Variants in GALNTL6 observed in about 807,000 individuals in gnomAD.
GALNTL6 encodes polypeptide N-acetylgalactosaminyltransferase-like 6.
GALNTL6 carries 46 observed loss-of-function variants against 73.7 expected under a neutral mutation model. The ratio of observed to expected loss-of-function variants is 0.62; its 90% CI spans 0.49 to 0.80. The LOEUF is 0.80. Among genes scored for constraint, GALNTL6 ranks in the 30% least tolerant of loss-of-function variants. The pLI is 0.00. For synonymous variants in GALNTL6, 259 were observed against 263.7 expected (o/e 0.98, Z 0.17); for missense variants, 604 against 755.0 (o/e 0.80, Z 2.34).
intron 5 of GALNTL6, among the ~76,000 whole-genome samples, chr4:172,598,535 C>G (rs1715176280): frequency 6.6e-6 from 1 of 152,090 alleles, no homozygotes; most frequent in South Asian, 2.1e-4. Flanking sequence ...AGTTGTAAGA[C>G]TAATAGAAAG....
intron 5 of GALNTL6, among the ~76,000 whole-genome samples, chr4:172,683,185 A>G (rs1732724470): frequency 6.6e-6 from 1 of 152,204 alleles, no homozygotes; most frequent in African/African-American, 2.4e-5. Context: ...CAAAGAAACC[A>G]CAACTCTGAG....
intron 5 of GALNTL6, among the ~76,000 whole-genome samples, chr4:172,446,818 C>T (rs930830306): frequency 1.3e-5 from 2 of 152,130 alleles, no homozygotes; most frequent in Non-Finnish European, 2.9e-5. Context: ...CCAGGAAGAA[C>T]CCCTAAACTT....
intron 3 of GALNTL6, among the ~76,000 whole-genome samples, chr4:172,276,713 T>C (rs1477021801): frequency 6.6e-6 from 1 of 152,142 alleles, no homozygotes; most frequent in East Asian, 1.9e-4. Context: ...TTACACTATA[T>C]GCTGATTTTA....
At chr4:172,736,054 A>C (rs1250542148) in intron 5 of GALNTL6, among the ~76,000 whole-genome samples, 1 of 152,218 alleles carries the variant, frequency 6.6e-6, no homozygotes, top group Non-Finnish European at 1.5e-5. Flanking sequence ...GAGTGAGATC[A>C]CAAGGCCAGG....
intron 5 of GALNTL6, among the ~76,000 whole-genome samples, chr4:172,414,361 T>C (rs1025414367): frequency 3.9e-5 from 6 of 152,178 alleles, no homozygotes; most frequent in Non-Finnish European, 5.9e-5. Context: ...TTCCAACTTA[T>C]ATGTGTATAC....
intron 7 of GALNTL6, among the ~76,000 whole-genome samples, chr4:172,830,354 G>T (rs1742555812): frequency 6.6e-6 from 1 of 152,166 alleles, no homozygotes; most frequent in Admixed American, 6.5e-5. Context: ...ATCTAGGCCA[G>T]AATGGGACTG....
chr4:173,038,148 C>T (rs1753768590), intron 12 of GALNTL6, among the ~76,000 whole-genome samples: 1 of 152,186 alleles, frequency 6.6e-6, no homozygotes, highest in Non-Finnish European at 1.5e-5. Context: ...TGTAGCAGGT[C>T]ACCTAGAATT....
intron 2 of GALNTL6, among the ~76,000 whole-genome samples, chr4:172,105,001 A>G (rs577075090): frequency 6.6e-6 from 1 of 152,334 alleles, no homozygotes; most frequent in East Asian, 1.9e-4. Context: ...GAAAAAGTCA[A>G]CAATTACAAA....
intron 3 of GALNTL6, among the ~76,000 whole-genome samples, chr4:172,292,214 G>A (rs1739500429): frequency 6.6e-6 from 1 of 151,814 alleles, no homozygotes; most frequent in African/African-American, 2.4e-5. Context: ...TGATTTTGAA[G>A]AGATCTGACA....
chr4:172,409,625 A>C (rs951528326), intron 5 of GALNTL6, among the ~76,000 whole-genome samples: 1 of 152,046 alleles, frequency 6.6e-6, no homozygotes, highest in Non-Finnish European at 1.5e-5. Flanking sequence ...GAACATTTCA[A>C]TGAGGAAAGG....
chr4:172,041,697 T>C (rs1311768306), intron 2 of GALNTL6, among the ~76,000 whole-genome samples: 1 of 152,108 alleles, frequency 6.6e-6, no homozygotes. Flanking sequence ...TTGCTACAGG[T>C]GTACTTTGTA....
intron 2 of GALNTL6, among the ~76,000 whole-genome samples, chr4:172,017,347 G>A (rs1025857566): frequency 1.3e-5 from 2 of 152,168 alleles, no homozygotes; most frequent in Admixed American, 1.3e-4. Flanking sequence ...GATGTTTTGA[G>A]TGGGGAGGGA....
At chr4:172,972,005 A>AT (rs1230227785) in intron 10 of GALNTL6, among the ~76,000 whole-genome samples, 1 of 152,192 alleles carries the variant, frequency 6.6e-6, no homozygotes, top group Non-Finnish European at 1.5e-5. Flanking sequence ...TGCCAGGCAA[A>AT]TTTAAGTAAT....
intron 8 of GALNTL6, among the ~76,000 whole-genome samples, chr4:172,900,593 A>G (rs1333310233): frequency 2.0e-5 from 3 of 152,234 alleles, no homozygotes; most frequent in African/African-American, 7.2e-5. Context: ...TTGAACTGGA[A>G]GAACAGAATA....
chr4:172,281,251 A>G (rs1370850463), intron 3 of GALNTL6, among the ~76,000 whole-genome samples: 1 of 152,166 alleles, frequency 6.6e-6, no homozygotes, highest in Non-Finnish European at 1.5e-5. Flanking sequence ...GCAGCGCTGC[A>G]TTTCATCTGA....
chr4:172,847,155 A>G (rs1168380066), intron 7 of GALNTL6, among the ~76,000 whole-genome samples: 5 of 152,192 alleles, frequency 3.3e-5, no homozygotes, highest in Non-Finnish European at 7.4e-5. Flanking sequence ...TATGGCAAAC[A>G]TGAACCAACC....
chr4:172,192,665 G>A (rs987985891), intron 2 of GALNTL6, among the ~76,000 whole-genome samples: 3 of 152,160 alleles, frequency 2.0e-5, no homozygotes, highest in African/African-American at 7.2e-5. Flanking sequence ...ATGGATCTGT[G>A]CAACTCGCCC....
At chr4:172,721,658 G>T (rs1735481038) in intron 5 of GALNTL6, among the ~76,000 whole-genome samples, 1 of 152,132 alleles carries the variant, frequency 6.6e-6, no homozygotes, top group Admixed American at 6.5e-5. Context: ...CAATTCTAGG[G>T]CACATTTAAC....
intron 8 of GALNTL6, among the ~76,000 whole-genome samples, chr4:172,899,129 C>T (rs1482001053): frequency 6.6e-6 from 1 of 152,184 alleles, no homozygotes; most frequent in Non-Finnish European, 1.5e-5. Context: ...CGTGAGTCCA[C>T]CAGTGCTCCC....
Sources: gnomAD v4.1 joint callset for allele counts (sites outside exome capture counted in the v4.1 genomes callset) on GRCh38, gnomAD v4.1.1 for gene constraint, MANE v1.5 for transcripts, NCBI Gene and HGNC (gene_info 2026-07-23, HGNC 2026-07-21) for gene names.